The following AGMO variants were observed in gnomAD, a reference collection of about 807,000 sequenced individuals.
The protein encoded by AGMO is glyceryl-ether monooxygenase.
In AGMO, 75 loss-of-function variants were observed where a neutral mutation model predicts 60.2. The ratio of observed to expected loss-of-function variants is 1.25; its 90% CI spans 1.03 to 1.51. The LOEUF is 1.51. Ranked by LOEUF, AGMO falls within the 40% of genes most tolerant of loss-of-function variation. AGMO has a pLI of 0.00. For missense variants in AGMO, 763 were observed against 525.5 expected (o/e 1.45, Z -4.42); for synonymous variants, 261 against 177.1 (o/e 1.47, Z -3.76).
chr7:15,537,480 C>T (rs1784511374), intron 3 of AGMO, among the ~76,000 whole-genome samples: 1 of 152,122 alleles, frequency 6.6e-6, no homozygotes, highest in African/African-American at 2.4e-5. Context: ...ATAATCTTTA[C>T]TCCATTTATG....
chr7:15,558,123 C>G (rs1372394266), intron 2 of AGMO, among the ~76,000 whole-genome samples: 4 of 151,426 alleles, frequency 2.6e-5, no homozygotes, highest in Non-Finnish European at 2.9e-5. Context: ...TAAAATAACA[C>G]TGCTAAGCAA....
the AGMO span, among the ~76,000 whole-genome samples, chr7:15,163,840 G>T: frequency 6.6e-6 from 1 of 151,928 alleles, no homozygotes; most frequent in Non-Finnish European, 1.5e-5. Flanking sequence ...TGCTTTCACA[G>T]AATGAGTTAG....
chr7:15,468,027 A>G (rs1279076835), intron 3 of AGMO, among the ~76,000 whole-genome samples: 1 of 152,118 alleles, frequency 6.6e-6, no homozygotes. Context: ...ACCAAACTTA[A>G]CAAGATTTTC....
chr7:15,435,356 A>G (rs747617085), intron 3 of AGMO, among the ~76,000 whole-genome samples: 16 of 151,464 alleles, frequency 1.1e-4, no homozygotes, highest in Admixed American at 2.0e-4. Flanking sequence ...TGAGAGTTCA[A>G]GTTGCTCCAC....
chr7:15,233,957 G>A (rs1413570621), intron 12 of AGMO, among the ~76,000 whole-genome samples: 3 of 152,188 alleles, frequency 2.0e-5, no homozygotes, highest in Non-Finnish European at 2.9e-5. Flanking sequence ...TGAGGCAGGA[G>A]AATCACTTGA....
At chr7:15,451,679 G>A (rs974761394) in intron 3 of AGMO, among the ~76,000 whole-genome samples, 1 of 152,120 alleles carries the variant, frequency 6.6e-6, no homozygotes, top group Non-Finnish European at 1.5e-5. Flanking sequence ...TAGTATAAGA[G>A]TGATAAAAGA....
chr7:15,317,541 C>G (rs1780962433), intron 12 of AGMO, among the ~76,000 whole-genome samples: 1 of 152,088 alleles, frequency 6.6e-6, no homozygotes, highest in Non-Finnish European at 1.5e-5. Flanking sequence ...AGTGTCCTAA[C>G]CTATTGGTTT....
intron 12 of AGMO, among the ~76,000 whole-genome samples, chr7:15,314,357 A>G (rs1307612452): frequency 6.6e-6 from 1 of 152,176 alleles, no homozygotes; most frequent in Non-Finnish European, 1.5e-5. Context: ...TAATGATATA[A>G]TTGAGTCATA....
intron 5 of AGMO, among the ~76,000 whole-genome samples, chr7:15,407,449 A>G (rs1784737196): frequency 6.6e-6 from 1 of 151,562 alleles, no homozygotes; most frequent in Non-Finnish European, 1.5e-5. Context: ...GGTGTCATCA[A>G]TATTTGATCT....
chr7:15,197,943 C>A (rs906128377), downstream of AGMO, among the ~76,000 whole-genome samples: 1 of 152,012 alleles, frequency 6.6e-6, no homozygotes, highest in Non-Finnish European at 1.5e-5. Flanking sequence ...ATTTCATGGG[C>A]CTGTACAAGT....
chr7:15,254,465 A>G (rs1783040101), intron 12 of AGMO, among the ~76,000 whole-genome samples: 1 of 152,080 alleles, frequency 6.6e-6, no homozygotes, highest in Non-Finnish European at 1.5e-5. Flanking sequence ...TGTGGTTTTG[A>G]CTTGCATATC....
At chr7:15,240,797 C>T (rs533025554) in intron 12 of AGMO, among the ~76,000 whole-genome samples, 6 of 152,106 alleles carry the variant, frequency 3.9e-5, no homozygotes, top group South Asian at 2.1e-4. Context: ...TGCTCAGATC[C>T]GTATTAGAAG....
intron 10 of AGMO, among the ~76,000 whole-genome samples, chr7:15,373,561 C>G (rs1176104440): frequency 6.6e-6 from 1 of 152,120 alleles, no homozygotes. Flanking sequence ...AGAGGACTAT[C>G]ACTGTCTTAC....
At position 15,406,306 on chromosome 7, in the gene AGMO, TAC is replaced by T. The variant is rs1437284745; in HGVS notation, c.610-12129_610-12128del. Among the ~76,000 whole-genome samples, 72 of 143,596 alleles carry T rather than the reference TAC, an allele frequency of 5.0e-4. 1 individual carries two copies. Among genetic ancestry groups the T allele is most frequent in the Middle Eastern group, 8.1e-3 (2 of 248 alleles). The allele number at this position is 143,596 out of a possible 152,430, so 94.2% of individuals were successfully genotyped here. A position where few individuals can be genotyped will look rare whatever the true frequency, so the allele number is the denominator to read the frequency against. ...CATATGTGTGTATATATATGGAATA[TAC>T]ATATATATGTGTATATATATGGAAT... On this transcript the variant is annotated intron_variant, in intron 5 of 12. Transcript: ENST00000342526.
intron 3 of AGMO, among the ~76,000 whole-genome samples, chr7:15,487,096 T>C (rs1782944578): frequency 6.6e-6 from 1 of 152,230 alleles, no homozygotes; most frequent in South Asian, 2.1e-4. Flanking sequence ...TAAAATTTGC[T>C]CTAATCTATT....
At chr7:15,184,407 G>GGGAAGGAA in the AGMO span, among the ~76,000 whole-genome samples, 66 of 63,764 alleles carry the variant, frequency 1.0e-3, 3 homozygotes, top group Non-Finnish European at 1.6e-3. Context: ...GAGGAAGAAA[G>GGGAAGGAA]GGAAGGAAGG....
At chr7:15,336,168 C>T (rs1481094107) in intron 12 of AGMO, among the ~76,000 whole-genome samples, 1 of 152,062 alleles carries the variant, frequency 6.6e-6, no homozygotes, top group Non-Finnish European at 1.5e-5. Context: ...AAAATTTCTA[C>T]AGGTCATCTC....
chr7:15,375,835 AT>A (rs1783431562), intron 10 of AGMO, among the ~76,000 whole-genome samples: 1 of 152,172 alleles, frequency 6.6e-6, no homozygotes, highest in South Asian at 2.1e-4. Flanking sequence ...GATTTAAATT[AT>A]GAGGAGGTTA....
intron 12 of AGMO, among the ~76,000 whole-genome samples, chr7:15,339,570 A>C (rs2128548412): frequency 6.6e-6 from 1 of 152,328 alleles, no homozygotes; most frequent in Non-Finnish European, 1.5e-5. Context: ...AGTTTCCATT[A>C]TTGAAAAATA....
Sources: allele counts gnomAD v4.1 joint callset (sites outside exome capture counted in the v4.1 genomes callset), GRCh38; gene constraint gnomAD v4.1.1; transcripts MANE v1.5; gene names NCBI Gene and HGNC (gene_info 2026-07-23, HGNC 2026-07-21).